TTC28: variants seen among roughly 807,000 people sequenced by gnomAD.
TTC28 encodes tetratricopeptide repeat protein 28.
TTC28 carries 61 observed loss-of-function variants against 198.0 expected under a neutral mutation model. The ratio of observed to expected loss-of-function variants is 0.31; its 90% CI spans 0.25 to 0.38. The LOEUF is 0.38. TTC28 is among the 10% of genes least tolerant of loss of function. The pLI, the probability that TTC28 is intolerant of heterozygous loss-of-function variation, is 1.00. For missense variants in TTC28, 2,678 were observed against 3,164.0 expected (o/e 0.85, Z 3.69); for synonymous variants, 1,171 against 1,297.8 (o/e 0.90, Z 2.10).
rs895901485 is a variant in TTC28, at chr22:28,368,194, T to C, written c.382-61551A>G. 2.0e-5 allele frequency among the ~76,000 whole-genome samples: 3 copies of C among 151,960 alleles called. No homozygotes were observed. The East Asian group carries it at 5.8e-4, about 29-fold the overall frequency. ...ATATTGGATTCAACAAGACATTACA[T>C]ATTGGATTCAACAATACATTAACAA... On this transcript the variant is annotated intron_variant, in intron 2 of 22. Transcript: ENST00000397906.
chr22:28,082,549 C>G (rs1306714744), intron 12 of TTC28, among the ~76,000 whole-genome samples: 1 of 152,158 alleles, frequency 6.6e-6, no homozygotes, highest in Non-Finnish European at 1.5e-5. Flanking sequence ...GTGTATTACG[C>G]TGATTGATAT....
intron 2 of TTC28, among the ~76,000 whole-genome samples, chr22:28,505,430 A>T (rs1238428820): frequency 6.6e-6 from 1 of 152,120 alleles, no homozygotes; most frequent in Non-Finnish European, 1.5e-5. Context: ...GGCAACAACA[A>T]CTTGATCCAA....
At chr22:28,391,368 C>T (rs964054180) in intron 2 of TTC28, among the ~76,000 whole-genome samples, 1 of 152,120 alleles carries the variant, frequency 6.6e-6, no homozygotes, top group Non-Finnish European at 1.5e-5. Context: ...CTCTGTATTT[C>T]CTGAATCTGA....
chr22:28,022,456 C>A (rs1449447078), intron 13 of TTC28, among the ~76,000 whole-genome samples: 1 of 152,262 alleles, frequency 6.6e-6, no homozygotes, highest in South Asian at 2.1e-4. Context: ...TGCTGCTCTG[C>A]GGTCAGGCTG....
At position 28,014,327 on chromosome 22, in the gene TTC28, G is replaced by C. The variant is rs955361568; in HGVS notation, c.4139C>G (p.Ser1380Cys). ...AAACGAGCTCTGCCTCCTGGGAAGA[G>C]AGGAGGTCCCGTCCTGGGTCGGTGA... ...TVSPTQDGTS[S>C]LPRRQSSFAK... is the part of the protein sequence containing the mutation. The change falls in exon 14 of 23, where the codon TCT becomes TGT. Residue 1380 changes from serine (S) to cysteine (C), a missense_variant. Physicochemically the swap from Ser to Cys is moderately radical, Grantham distance 112 (BLOSUM62 -1). Around this residue, in one of 8 missense-constraint regions of TTC28, gnomAD observed 727 missense variants for 861.9 expected, o/e 0.84. Coordinates refer to ENST00000397906, the MANE Select transcript of TTC28 (RefSeq NM_001145418.2). The C allele has an allele frequency of 6.4e-7, 1 of 1,551,678 alleles. No individual in the cohort carries two copies. The highest frequency in any genetic ancestry group is 1.2e-5 in the South Asian group (1 of 84,052).
At chr22:28,295,867 A>G (rs978857798) in intron 5 of TTC28, among the ~76,000 whole-genome samples, 27 of 152,200 alleles carry the variant, frequency 1.8e-4, no homozygotes, top group Admixed American at 1.8e-3. Context: ...GCTTTTTACA[A>G]TTTAATGAGT....
intron 2 of TTC28, among the ~76,000 whole-genome samples, chr22:28,343,143 A>G (rs537033418): frequency 6.6e-6 from 1 of 152,340 alleles, no homozygotes; most frequent in South Asian, 2.1e-4. Flanking sequence ...CAAAATGTAT[A>G]ATCCATGAAA....
chr22:28,447,557 T>C (rs2047721312), intron 2 of TTC28, among the ~76,000 whole-genome samples: 1 of 152,188 alleles, frequency 6.6e-6, no homozygotes, highest in African/African-American at 2.4e-5. Context: ...AGACCCAGTA[T>C]TTCCTAATCT....
intron 2 of TTC28, among the ~76,000 whole-genome samples, chr22:28,592,888 T>C (rs1315451966): frequency 1.3e-5 from 2 of 152,206 alleles, no homozygotes; most frequent in African/African-American, 4.8e-5. Flanking sequence ...AAAATATTAT[T>C]GACCATCATC....
intron 12 of TTC28, among the ~76,000 whole-genome samples, chr22:28,040,449 A>C (rs1939579598): frequency 6.6e-6 from 1 of 152,250 alleles, no homozygotes; most frequent in African/African-American, 2.4e-5. Context: ...AAATCAATAA[A>C]TGTAATCTAT....
At chr22:28,428,042 GA>G (rs913682317) in intron 2 of TTC28, among the ~76,000 whole-genome samples, 4 of 136,838 alleles carry the variant, frequency 2.9e-5, no homozygotes, top group African/African-American at 1.1e-4. Flanking sequence ...AAAAAATGAA[GA>G]AAAAACAAAT....
intron 17 of TTC28, among the ~76,000 whole-genome samples, chr22:27,993,725 C>G (rs1569072421): frequency 2.0e-5 from 3 of 152,154 alleles, no homozygotes; most frequent in Admixed American, 1.3e-4. Context: ...ATTTTACCAT[C>G]AGAGCCCTCG....
intron 12 of TTC28, among the ~76,000 whole-genome samples, chr22:28,072,641 C>T (rs983169272): frequency 4.6e-5 from 7 of 152,160 alleles, no homozygotes; most frequent in African/African-American, 1.7e-4. Context: ...CCTGTGTAAG[C>T]AATTCCTGCC....
chr22:28,585,977 T>TA lies in TTC28; in HGVS notation c.381+43574dup, dbSNP rs892582692. ...TGTATCCCTGAACTTAAGGTACAAT[T>TA]AAAAAAAAAAAAAGAAGAAGAAGCC... On this transcript the variant is annotated intron_variant, in intron 2 of 22. Transcript: ENST00000397906. 1.6e-3 allele frequency among the ~76,000 whole-genome samples: 228 copies of TA among 141,490 alleles called. 1 individual carries two copies. The highest frequency in any genetic ancestry group is 0.011 in the Middle Eastern group (3 of 270). The allele number at this position is 141,490 out of a possible 152,430, so 92.8% of individuals were successfully genotyped here.
At chr22:28,458,955 A>G (rs2047906981) in intron 2 of TTC28, among the ~76,000 whole-genome samples, 1 of 152,114 alleles carries the variant, frequency 6.6e-6, no homozygotes, top group South Asian at 2.1e-4. Context: ...TCATGAATGC[A>G]TCATGCATCC....
intron 2 of TTC28, among the ~76,000 whole-genome samples, chr22:28,509,172 C>G (rs1355389652): frequency 7.0e-6 from 1 of 143,376 alleles, no homozygotes; most frequent in African/African-American, 2.6e-5. Context: ...GCCTGGGCAA[C>G]AAAGTGAGAT....
intron 12 of TTC28, among the ~76,000 whole-genome samples, chr22:28,049,230 A>C (rs1383027336): frequency 6.6e-6 from 1 of 152,156 alleles, no homozygotes. Flanking sequence ...GTGCCACAGG[A>C]GCAGCACACC....
chr22:28,291,523 C>T (rs1344352414), intron 5 of TTC28, among the ~76,000 whole-genome samples: 1 of 152,066 alleles, frequency 6.6e-6, no homozygotes, highest in African/African-American at 2.4e-5. Flanking sequence ...TTTTCTTAAC[C>T]TATTAAATTG....
chr22:28,300,842 A>G lies in TTC28; in HGVS notation c.530-2990T>C, dbSNP rs1040539206. Among the ~76,000 whole-genome samples the G allele has an allele frequency of 2.3e-4, 35 of 152,236 alleles. 1 individual carries two copies. Among genetic ancestry groups the G allele is most frequent in the Non-Finnish European group, 5.0e-4 (34 of 68,032 alleles). On this transcript the variant is annotated intron_variant, in intron 3 of 22. Transcript: ENST00000397906. Reference sequence around the variant, plus strand: ...TAGGCCAGCTTGAACTGACCAAAGAATACTTGTAGGGAAGGAAGTTGATGT... The same window carrying G: ...TAGGCCAGCTTGAACTGACCAAAGAGTACTTGTAGGGAAGGAAGTTGATGT...
Sources: allele counts gnomAD v4.1 joint callset (sites outside exome capture counted in the v4.1 genomes callset), GRCh38; gene constraint gnomAD v4.1.1; regional missense constraint gnomAD v4.1.1; transcripts MANE v1.5; gene names NCBI Gene and HGNC (gene_info 2026-07-23, HGNC 2026-07-21).